Variants in ATF2 observed in about 807,000 individuals in gnomAD.
The protein encoded by ATF2 is cyclic AMP-dependent transcription factor ATF-2.
ATF2 carries 24 observed loss-of-function variants against 60.6 expected under a neutral mutation model. That is an observed-to-expected ratio of 0.40 (90% CI 0.29 to 0.56). The LOEUF (loss-of-function observed/expected upper bound fraction) is 0.56. Among genes scored for constraint, ATF2 ranks in the 20% least tolerant of loss-of-function variants. The pLI is 0.54. For synonymous variants in ATF2, 206 were observed against 215.4 expected, an observed-to-expected ratio of 0.96 and a Z score of 0.38; for missense variants, 433 against 607.7, an observed-to-expected ratio of 0.71 and a Z score of 3.02.
intron 4 of ATF2, among the ~76,000 whole-genome samples, chr2:175,125,550 CTT>C (rs1697273396): frequency 6.6e-6 from 1 of 151,978 alleles, no homozygotes; most frequent in African/African-American, 2.4e-5. Context: ...CACGAAGAAA[CTT>C]AGAAACGTGT....
chr2:175,114,752 T>A lies in ATF2; in HGVS notation c.564A>T (p.Ala188=). The change falls in exon 8 of 14, where the codon GCA becomes GCT. Residue 188 remains alanine (A), a synonymous_variant. Transcript: ENST00000264110. The part of the protein sequence containing the change: ...SSDSSVIIQQ[A]VPSPTSSTVI... Reference sequence around the variant, plus strand: ...CAGTACTTGAGGTTGGTGAAGGTACTGCCTGCTGAATAATTACACTTGAGT... The same window carrying A: ...CAGTACTTGAGGTTGGTGAAGGTACAGCCTGCTGAATAATTACACTTGAGT... 6.2e-7 allele frequency: 1 copy of A among 1,614,074 alleles called. No homozygotes were observed. Among genetic ancestry groups the A allele is most frequent in the Non-Finnish European group, 8.5e-7 (1 of 1,179,948 alleles).
chr2:175,153,213 CT>C (rs1256740336), intron 1 of ATF2, among the ~76,000 whole-genome samples: 1 of 152,136 alleles, frequency 6.6e-6, no homozygotes, highest in African/African-American at 2.4e-5. Flanking sequence ...AAATAACATC[CT>C]TTTTTTGTAA....
At chr2:175,080,866 G>A (rs926511091) in intron 12 of ATF2, 101 bp from the exon 13 acceptor site, 2 of 860,922 alleles carry the variant, frequency 2.3e-6, no homozygotes, top group Non-Finnish European at 3.6e-6. Flanking sequence ...ATCACTGGCA[G>A]AACATTAAAA....
rs1692998798 is a variant in ATF2, at chr2:175,072,412, G to A, written c.*2197C>T. 1 of 152,116 alleles carries A rather than the reference G, an allele frequency of 6.6e-6. No individual in the cohort carries two copies. The highest frequency in any genetic ancestry group is 6.6e-5 in the Admixed American group (1 of 15,256). The allele number at this position is 152,116 out of a possible 1,614,324, so 9.4% of individuals were successfully genotyped here. Reference sequence around the variant, plus strand: ...TCCTGAAAGTCAAAATGGAATTTGTGTTTATACAACTAATAATGATTTTTA... The same window carrying A: ...TCCTGAAAGTCAAAATGGAATTTGTATTTATACAACTAATAATGATTTTTA... On this transcript the variant is annotated 3_prime_UTR_variant, in exon 14 of 14. Transcript: ENST00000264110.
At position 175,118,110 on chromosome 2, in the gene ATF2, T is replaced by G. The variant is rs1696708151; in HGVS notation, c.327A>C (p.Leu109=). ...TAGGTGTTGCAAGAGGGGATAAATC[T>G]AGAGGCATCTATAATTCAAATAATA... The part of the protein sequence containing the change: ...ASEDDIKKMP[L]DLSPLATPII... Residue 109 remains leucine (L), a synonymous_variant, in exon 7 of 14, where the codon CTA becomes CTC. Transcript: ENST00000264110. 1 of 1,610,134 alleles carries G rather than the reference T, an allele frequency of 6.2e-7. No homozygotes were observed. Among genetic ancestry groups the G allele is most frequent in the African/African-American group, 1.3e-5 (1 of 74,718 alleles).
chr2:175,103,677 T>TTA (rs942562528), intron 10 of ATF2, among the ~76,000 whole-genome samples: 4 of 129,878 alleles, frequency 3.1e-5, no homozygotes, highest in African/African-American at 1.1e-4. Context: ...TCACACATCT[T>TTA]AAAAAAAAAA....
At position 175,097,513 on chromosome 2, in the gene ATF2, A is replaced by G. The variant is rs750872470; in HGVS notation, c.909T>C (p.Val303=). The G allele has an allele frequency of 1.9e-6, 3 of 1,614,152 alleles. No individual in the cohort carries two copies. Among genetic ancestry groups the G allele is most frequent in the Non-Finnish European group, 1.7e-6 (2 of 1,179,998 alleles). Residue 303 remains valine, a synonymous_variant, in exon 11 of 14, where the codon GTT becomes GTC. Coordinates refer to ENST00000264110, the MANE Select transcript of ATF2 (RefSeq NM_001880.4). The stretch of plus-strand genomic sequence containing the variant: ...GTCGAGATTCCTCTGACTGAGTCCT[A>G]ACCAATCCGCTACCATGACCTTTGA... ...DTVKGHGSGL[V]RTQSEESRPQ...
chr2:175,092,654 A>T, intron 12 of ATF2: 1 of 431,776 alleles, frequency 2.3e-6, no homozygotes, highest in Non-Finnish European at 4.6e-6. Context: ...TTTATAATTC[A>T]AAGAATGAAA....
At chr2:175,108,788 A>G (rs959966292) in intron 10 of ATF2, among the ~76,000 whole-genome samples, 2 of 139,064 alleles carry the variant, frequency 1.4e-5, no homozygotes, top group Non-Finnish European at 3.1e-5. Context: ...GTATCTGTGT[A>G]GAAAGTAGAC....
At chr2:175,113,054 C>T (rs544228682) in intron 9 of ATF2, among the ~76,000 whole-genome samples, 1 of 144,022 alleles carries the variant, frequency 6.9e-6, no homozygotes, top group South Asian at 2.2e-4. Flanking sequence ...AAAGTAATAT[C>T]GTAAATGATT....
chr2:175,128,238 C>T (rs746903891), intron 4 of ATF2, among the ~76,000 whole-genome samples: 75 of 152,300 alleles, frequency 4.9e-4, no homozygotes, highest in Non-Finnish European at 9.7e-4. Context: ...CGGTGGCTCA[C>T]GCCTATCATC....
At chr2:175,116,972 T>C (rs899268968) in intron 7 of ATF2, among the ~76,000 whole-genome samples, 2 of 151,934 alleles carry the variant, frequency 1.3e-5, no homozygotes, top group African/African-American at 4.8e-5. Context: ...TCTAATGACA[T>C]GGGAAAATAT....
At chr2:175,164,448 C>T (rs569452843) in intron 1 of ATF2, among the ~76,000 whole-genome samples, 2 of 152,086 alleles carry the variant, frequency 1.3e-5, no homozygotes, top group Admixed American at 6.5e-5. Context: ...ACAGGAGAAC[C>T]GCTTGAATCC....
intron 4 of ATF2, among the ~76,000 whole-genome samples, chr2:175,129,198 T>C (rs1697559268): frequency 1.3e-5 from 2 of 152,280 alleles, no homozygotes; most frequent in South Asian, 2.1e-4. Flanking sequence ...TATTGAATTA[T>C]GTGGAGTGAA....
At chr2:175,105,113 A>G (rs1266526688) in intron 10 of ATF2, among the ~76,000 whole-genome samples, 1 of 152,218 alleles carries the variant, frequency 6.6e-6, no homozygotes, top group Non-Finnish European at 1.5e-5. Flanking sequence ...ACATGTATAT[A>G]GCTTAGCGTG....
intron 13 of ATF2, among the ~76,000 whole-genome samples, chr2:175,079,494 A>G (rs923018026): frequency 6.6e-6 from 1 of 152,132 alleles, no homozygotes; most frequent in African/African-American, 2.4e-5. Context: ...TATGGTTCCA[A>G]TTTACTCCAA....
rs111833261 is a variant in ATF2 at position 175,084,641 on chromosome 2, T to TA, written c.1186-3877dup. 9.0e-3 allele frequency among the ~76,000 whole-genome samples: 825 copies of TA among 91,626 alleles called. 3 individuals are homozygous for TA. The highest frequency in any genetic ancestry group is 0.022 in the African/African-American group (602 of 27,412). The allele number at this position is 91,626 out of a possible 152,430, so 60.1% of individuals were successfully genotyped here. A position where few individuals can be genotyped will look rare whatever the true frequency, so the allele number is the denominator to read the frequency against. On this transcript the variant is annotated intron_variant, in intron 12 of 13. Transcript: ENST00000264110. Reference sequence around the variant, plus strand: ...CACATGTACGCTAAAACTTAAAGTATAAAAAAAAAAAAAAAGTTAAAAAAA... The same window carrying TA: ...CACATGTACGCTAAAACTTAAAGTATAAAAAAAAAAAAAAAAGTTAAAAAAA...
chr2:175,091,858 G>A (rs979749247), intron 12 of ATF2, among the ~76,000 whole-genome samples: 5 of 152,046 alleles, frequency 3.3e-5, no homozygotes, highest in East Asian at 1.9e-4. Flanking sequence ...GTGAGACTCC[G>A]TCTCAAAAAC....
At chr2:175,116,441 AC>A (rs1381818539) in intron 7 of ATF2, among the ~76,000 whole-genome samples, 3 of 151,942 alleles carry the variant, frequency 2.0e-5, no homozygotes. Flanking sequence ...AGAATCAAGG[AC>A]TCTGATTTTG....
Sources: gnomAD v4.1 joint callset for allele counts (sites outside exome capture counted in the v4.1 genomes callset) on GRCh38, gnomAD v4.1.1 for gene constraint, MANE v1.5 for transcripts, NCBI Gene and HGNC (gene_info 2026-07-23, HGNC 2026-07-21) for gene names.